PPP1R14C: variants seen among roughly 807,000 people sequenced by gnomAD.
PPP1R14C encodes protein phosphatase 1 regulatory inhibitor subunit 14C.
A neutral mutation model predicts 20.4 loss-of-function variants in PPP1R14C; 16 were observed. The ratio of observed to expected loss-of-function variants is 0.78; its 90% CI spans 0.53 to 1.19. PPP1R14C has a LOEUF of 1.19. Among genes scored for constraint, PPP1R14C ranks in the 50% most tolerant of loss-of-function variants. The probability of loss-of-function intolerance (pLI) is 0.00; values close to 1 mark genes in which losing one functional copy is unlikely to be tolerated. For synonymous variants in PPP1R14C, 91 were observed against 91.0 expected, an observed-to-expected ratio of 1.00 and a Z score of 0.00; for missense variants, 211 against 220.1, an observed-to-expected ratio of 0.96 and a Z score of 0.26.
chr6:150,243,751 C>T (rs1298713086), intron 3 of PPP1R14C, among the ~76,000 whole-genome samples: 1 of 152,066 alleles, frequency 6.6e-6, no homozygotes, highest in Admixed American at 6.6e-5. Flanking sequence ...TTTATAATAG[C>T]CCCAAACTGG....
intron 1 of PPP1R14C, among the ~76,000 whole-genome samples, chr6:150,165,754 C>T (rs1305224407): frequency 6.6e-6 from 1 of 152,142 alleles, no homozygotes; most frequent in Non-Finnish European, 1.5e-5. Flanking sequence ...CCTAGATAAA[C>T]AGGCAACAGG....
chr6:150,180,602 CTCTGATG>C (rs1372130220), intron 1 of PPP1R14C, among the ~76,000 whole-genome samples: 1 of 152,190 alleles, frequency 6.6e-6, no homozygotes, highest in Non-Finnish European at 1.5e-5. Flanking sequence ...CTGTTGTTTT[CTCTGATG>C]TCAGTGTTGT....
chr6:150,197,689 G>A (rs925398564), intron 1 of PPP1R14C, among the ~76,000 whole-genome samples: 3 of 152,310 alleles, frequency 2.0e-5, no homozygotes, highest in South Asian at 4.1e-4. Flanking sequence ...CGGTGGAGGA[G>A]GGCCTGGATG....
chr6:150,166,381 A>C (rs1777422886), intron 1 of PPP1R14C, among the ~76,000 whole-genome samples: 1 of 152,040 alleles, frequency 6.6e-6, no homozygotes, highest in African/African-American at 2.4e-5. Context: ...CGCCCAGCCA[A>C]ATGCTGCTCT....
chr6:150,166,015 G>A (rs992443403), intron 1 of PPP1R14C, among the ~76,000 whole-genome samples: 2 of 152,020 alleles, frequency 1.3e-5, no homozygotes, highest in African/African-American at 4.8e-5. Context: ...ACACCAGATC[G>A]CATTGTGAGT....
intron 1 of PPP1R14C, among the ~76,000 whole-genome samples, chr6:150,182,843 A>G (rs937526439): frequency 6.6e-6 from 1 of 152,252 alleles, no homozygotes; most frequent in Non-Finnish European, 1.5e-5. Context: ...ACACACGCCT[A>G]GATGGTACAG....
chr6:150,227,232 T>C (rs1237962548), intron 3 of PPP1R14C, among the ~76,000 whole-genome samples: 3 of 152,210 alleles, frequency 2.0e-5, no homozygotes, highest in African/African-American at 7.2e-5. Flanking sequence ...CAGCTTGGTG[T>C]TTTACAATCT....
chr6:150,175,547 C>T (rs765972484), intron 1 of PPP1R14C, among the ~76,000 whole-genome samples: 12 of 152,188 alleles, frequency 7.9e-5, no homozygotes, highest in Non-Finnish European at 1.5e-4. Context: ...TAAAATATTA[C>T]TTCAACAATA....
At chr6:150,191,783 A>G (rs1777749157) in intron 1 of PPP1R14C, among the ~76,000 whole-genome samples, 1 of 152,218 alleles carries the variant, frequency 6.6e-6, no homozygotes, top group African/African-American at 2.4e-5. Flanking sequence ...GTGTTTGAGT[A>G]CTTATGCACA....
At position 150,207,796 on chromosome 6, in the gene PPP1R14C, G is replaced by A. The variant is rs143706997; in HGVS notation, c.307-6948G>A. Among the ~76,000 whole-genome samples the A allele has an allele frequency of 3.4e-3, 519 of 152,212 alleles. 5 individuals carry two copies. The highest frequency in any genetic ancestry group is 0.012 in the African/African-American group (505 of 41,528). On this transcript the variant is annotated intron_variant, in intron 1 of 3. Transcript: ENST00000361131. The stretch of plus-strand genomic sequence containing the variant: ...AAATAAATTTATTTCTTTTAGTTCT[G>A]GAGGAAGATAATCAATGTCAGCAGG...
chr6:150,247,245 T>C (rs1339817718), intron 3 of PPP1R14C, among the ~76,000 whole-genome samples: 2 of 152,206 alleles, frequency 1.3e-5, no homozygotes, highest in Non-Finnish European at 2.9e-5. Flanking sequence ...CTCGGTGTTT[T>C]TGCTCTCAGA....
At position 150,198,739 on chromosome 6, in the gene PPP1R14C, G is replaced by T. The variant is rs1019879652; in HGVS notation, c.307-16005G>T. On this transcript the variant is annotated intron_variant, in intron 1 of 3. Transcript: ENST00000361131. ...TCCGGGCAGCCCCGCTGGCACTTAT[G>T]CTGCTGAGCTTGGCTTCCACAGCCA... is the stretch of plus-strand genomic sequence containing the variant. 5.3e-5 allele frequency among the ~76,000 whole-genome samples: 8 copies of T among 152,324 alleles called. No individual in the cohort carries two copies. In the East Asian group the frequency reaches 1.5e-3, roughly 29 times the overall value.
intron 2 of PPP1R14C, among the ~76,000 whole-genome samples, chr6:150,215,670 G>A (rs900068846): frequency 2.0e-5 from 3 of 152,314 alleles, no homozygotes; most frequent in Non-Finnish European, 2.9e-5. Flanking sequence ...GGAGACAATA[G>A]CATCCTAGTT....
chr6:150,148,312 A>ACT (rs35210231), intron 1 of PPP1R14C, among the ~76,000 whole-genome samples: 27,237 of 151,988 alleles, frequency 0.18, 2,953 homozygotes, highest in East Asian at 0.58. Flanking sequence ...TTGCCCCAGG[A>ACT]CTCTCAGCTG....
intron 1 of PPP1R14C, among the ~76,000 whole-genome samples, chr6:150,182,422 C>A (rs1467151844): frequency 2.0e-5 from 3 of 152,154 alleles, no homozygotes; most frequent in Non-Finnish European, 2.9e-5. Context: ...GGCCTACTTT[C>A]TGGTTTGCAG....
At chr6:150,205,134 T>A (rs1032328342) in intron 1 of PPP1R14C, among the ~76,000 whole-genome samples, 1 of 152,072 alleles carries the variant, frequency 6.6e-6, no homozygotes, top group African/African-American at 2.4e-5. Context: ...GTGCCAGTGA[T>A]ACTGGCAACT....
chr6:150,231,399 A>G (rs1457388392), intron 3 of PPP1R14C, among the ~76,000 whole-genome samples: 1 of 152,170 alleles, frequency 6.6e-6, no homozygotes, highest in Non-Finnish European at 1.5e-5. Context: ...TCACACCCCA[A>G]GTCTGGCTAG....
intron 3 of PPP1R14C, among the ~76,000 whole-genome samples, chr6:150,225,999 T>A (rs2114920062): frequency 6.6e-6 from 1 of 152,366 alleles, no homozygotes; most frequent in Non-Finnish European, 1.5e-5. Flanking sequence ...GTGTGTCACC[T>A]TCTGTCATAT....
At chr6:150,158,296 G>A (rs2114856958) in intron 1 of PPP1R14C, among the ~76,000 whole-genome samples, 1 of 152,208 alleles carries the variant, frequency 6.6e-6, no homozygotes, top group African/African-American at 2.4e-5. Context: ...GGGGGCAGAG[G>A]CTTATGAGAT....
Sources: allele counts gnomAD v4.1 joint callset (sites outside exome capture counted in the v4.1 genomes callset), GRCh38; gene constraint gnomAD v4.1.1; transcripts MANE v1.5; gene names NCBI Gene and HGNC (gene_info 2026-07-23, HGNC 2026-07-21).